Variants in ZFAND3 observed in about 807,000 individuals in gnomAD.
ZFAND3 encodes the protein zinc finger AN1-type containing 3.
ZFAND3 carries 10 observed loss-of-function variants against 29.6 expected under a neutral mutation model. That is an observed-to-expected ratio of 0.34 (90% CI 0.21 to 0.57). The LOEUF is 0.57. ZFAND3 is among the 20% of genes least tolerant of loss of function. The pLI is 0.86. For synonymous variants in ZFAND3, 128 were observed against 112.6 expected (o/e 1.14, Z -0.87); for missense variants, 230 against 304.5 (o/e 0.76, Z 1.82).
intron 1 of ZFAND3, among the ~76,000 whole-genome samples, chr6:37,893,916 A>G (rs577164858): frequency 1.3e-5 from 2 of 151,888 alleles, no homozygotes; most frequent in Admixed American, 6.6e-5. Context: ...TCACTTCTCC[A>G]TATGTTATAA....
Position 37,870,354 on chromosome 6 carries a change from C to T in ZFAND3, c.71+50338C>T, listed in dbSNP as rs191275869. Reference sequence around the variant, plus strand: ...CAGTGGTTCATGCCTGTAATCCCAGCACTTTGGGAGGCCGAGGCAGGTGGA... The same window carrying T: ...CAGTGGTTCATGCCTGTAATCCCAGTACTTTGGGAGGCCGAGGCAGGTGGA... On this transcript the variant is annotated intron_variant, in intron 1 of 5. Transcript: ENST00000287218. Among the ~76,000 whole-genome samples, 432 of 146,394 alleles carry T rather than the reference C, an allele frequency of 3.0e-3. 6 individuals carry two copies. The highest frequency in any genetic ancestry group is 9.9e-3 in the African/African-American group (391 of 39,370).
chr6:37,990,439 T>C (rs1050536632), intron 2 of ZFAND3, among the ~76,000 whole-genome samples: 2 of 152,204 alleles, frequency 1.3e-5, no homozygotes, highest in Non-Finnish European at 2.9e-5. Context: ...GTATTTGAAA[T>C]AGCACATAAT....
chr6:37,976,695 C>A (rs565358156), intron 2 of ZFAND3, among the ~76,000 whole-genome samples: 1 of 150,754 alleles, frequency 6.6e-6, no homozygotes, highest in Admixed American at 6.6e-5. Flanking sequence ...AGGAAACTTA[C>A]AATAATGGTG....
intron 2 of ZFAND3, among the ~76,000 whole-genome samples, chr6:38,049,945 ATTT>A (rs869286080): frequency 3.3e-5 from 1 of 30,326 alleles, no homozygotes; most frequent in African/African-American, 9.8e-5. Context: ...TAGGCAATTA[ATTT>A]TTTTTTTTTT....
chr6:37,831,954 T>C (rs147585481), intron 1 of ZFAND3, among the ~76,000 whole-genome samples: 1 of 152,340 alleles, frequency 6.6e-6, no homozygotes, highest in African/African-American at 2.4e-5. Context: ...ATTTATAATA[T>C]GTTTCAAAAA....
intron 2 of ZFAND3, among the ~76,000 whole-genome samples, chr6:37,933,848 A>G (rs903249401): frequency 6.7e-6 from 1 of 148,826 alleles, no homozygotes; most frequent in African/African-American, 2.5e-5. Context: ...AAAGGCTAAA[A>G]TCATTTAAGA....
rs1763620774 is a variant in ZFAND3, at chr6:37,819,743, G to A, written c.-203G>A. 2 of 214,502 alleles carry A rather than the reference G, an allele frequency of 9.3e-6. No individual in the cohort carries two copies. Among genetic ancestry groups the A allele is most frequent in the African/African-American group, 2.3e-5 (1 of 42,642 alleles). 13.3% of individuals were successfully genotyped at this position (214,502 alleles called of 1,614,324 possible). A position where few individuals can be genotyped will look rare whatever the true frequency, so the allele number is the denominator to read the frequency against. On this transcript the variant is annotated 5_prime_UTR_variant, in exon 1 of 6. Coordinates refer to ENST00000287218, the MANE Select transcript of ZFAND3 (RefSeq NM_021943.3). Reference sequence around the variant, plus strand: ...CTCCGCCCCCTCCCCGTCTCCGCAGGCCGAGTGGTGCGGCCCGCCTCCAGC... The same window carrying A: ...CTCCGCCCCCTCCCCGTCTCCGCAGACCGAGTGGTGCGGCCCGCCTCCAGC...
chr6:37,853,464 G>A (rs1217780423), intron 1 of ZFAND3, among the ~76,000 whole-genome samples: 1 of 150,988 alleles, frequency 6.6e-6, no homozygotes, highest in Non-Finnish European at 1.5e-5. Context: ...CTCTTTGGTG[G>A]CATGACCCTG....
intron 2 of ZFAND3, among the ~76,000 whole-genome samples, chr6:37,996,793 A>G (rs191708144): frequency 2.6e-5 from 4 of 152,292 alleles, no homozygotes; most frequent in African/African-American, 4.8e-5. Context: ...CTTATATTCT[A>G]CAATATGAGA....
chr6:38,031,340 CTAT>C (rs1763555394), intron 2 of ZFAND3, among the ~76,000 whole-genome samples: 1 of 152,208 alleles, frequency 6.6e-6, no homozygotes, highest in African/African-American at 2.4e-5. Context: ...TTCTATACTA[CTAT>C]TGTCATTAAG....
At chr6:38,033,594 T>C (rs971695809) in intron 2 of ZFAND3, among the ~76,000 whole-genome samples, 1 of 152,228 alleles carries the variant, frequency 6.6e-6, no homozygotes, top group African/African-American at 2.4e-5. Context: ...GAAAAGATTA[T>C]TCACCTTTCC....
At chr6:38,074,879 C>A (rs1302888250) in intron 3 of ZFAND3, among the ~76,000 whole-genome samples, 2 of 152,290 alleles carry the variant, frequency 1.3e-5, no homozygotes, top group African/African-American at 4.8e-5. Flanking sequence ...CTTAAGAATT[C>A]TGCTACATCC....
intron 2 of ZFAND3, among the ~76,000 whole-genome samples, chr6:38,032,437 T>A (rs886569196): frequency 3.9e-5 from 6 of 152,222 alleles, no homozygotes; most frequent in Non-Finnish European, 1.5e-5. Context: ...AAATGTCATT[T>A]GAACTCTGCT....
At chr6:37,951,772 G>A (rs1203958928) in intron 2 of ZFAND3, among the ~76,000 whole-genome samples, 1 of 152,054 alleles carries the variant, frequency 6.6e-6, no homozygotes, top group Non-Finnish European at 1.5e-5. Context: ...TCTTAATTCT[G>A]ATTCTCAAGG....
intron 1 of ZFAND3, among the ~76,000 whole-genome samples, chr6:37,911,768 C>T (rs181200752): frequency 4.9e-4 from 75 of 152,278 alleles, no homozygotes; most frequent in Admixed American, 1.8e-3. Flanking sequence ...GTTAGACATT[C>T]AGTTCAACAG....
intron 2 of ZFAND3, among the ~76,000 whole-genome samples, chr6:37,987,106 T>A (rs1481527963): frequency 1.3e-5 from 2 of 152,214 alleles, no homozygotes. Context: ...CAGATTGTGT[T>A]ACCTGCTGTA....
At chr6:37,820,212 G>T (rs1399817060) in intron 1 of ZFAND3, among the ~76,000 whole-genome samples, 196 bp downstream of exon 1, 1 of 152,096 alleles carries the variant, frequency 6.6e-6, no homozygotes, top group Middle Eastern at 3.2e-3. Context: ...AGAAGGCCCT[G>T]CCGGGGGTGC....
intron 3 of ZFAND3, among the ~76,000 whole-genome samples, chr6:38,074,029 G>C (rs1764506311): frequency 6.6e-6 from 1 of 152,140 alleles, no homozygotes; most frequent in East Asian, 1.9e-4. Flanking sequence ...CTAGAAATAA[G>C]TCAGTTGGCA....
At chr6:38,014,649 T>C (rs1432346793) in intron 2 of ZFAND3, among the ~76,000 whole-genome samples, 1 of 152,334 alleles carries the variant, frequency 6.6e-6, no homozygotes, top group East Asian at 1.9e-4. Context: ...TTTTAATTTT[T>C]AAAAATATTG....
Sources: gnomAD v4.1 joint callset for allele counts (sites outside exome capture counted in the v4.1 genomes callset) on GRCh38, gnomAD v4.1.1 for gene constraint, MANE v1.5 for transcripts, NCBI Gene and HGNC (gene_info 2026-07-23, HGNC 2026-07-21) for gene names.